RTN3: variants seen among roughly 807,000 people sequenced by gnomAD.
RTN3 encodes the protein reticulon 3, also known as reticulon-3.
In RTN3, 49 loss-of-function variants were observed where a neutral mutation model predicts 77.8. The observed-to-expected ratio is 0.63, with a 90% CI of 0.50 to 0.80. The LOEUF is 0.80. RTN3 is among the 30% of genes least tolerant of loss of function. The probability of loss-of-function intolerance (pLI) is 0.00; values close to 1 mark genes in which losing one functional copy is unlikely to be tolerated. For missense variants in RTN3, 1,236 were observed against 1,211.9 expected (o/e 1.02, Z -0.29); for synonymous variants, 464 against 446.9 (o/e 1.04, Z -0.48).
chr11:63,686,534 A>T (rs1219245769), intron 1 of RTN3, among the ~76,000 whole-genome samples: 2 of 149,786 alleles, frequency 1.3e-5, no homozygotes, highest in Non-Finnish European at 3.0e-5. Context: ...TATTGTTGTT[A>T]TGAAAGTTGG....
chr11:63,753,189 A>C (rs756840117), intron 6 of RTN3, 51 bp downstream of exon 6: 1 of 1,545,042 alleles, frequency 6.5e-7, no homozygotes, highest in Non-Finnish European at 8.9e-7. Flanking sequence ...GTTTGTAAGA[A>C]TAAGAGTGAA....
In RTN3 at chr11:63,721,043, A is replaced by G. The variant is rs897045197; in HGVS notation, c.2530+11A>G. On this transcript the variant is annotated intron_variant, in intron 3 of 8. Transcript: ENST00000377819. ...TGACAGACTTCTCAGGTAACCATTT[A>G]TATTAGAATACTGCATGTGGTTAAT... 3 of 1,565,976 alleles carry G rather than the reference A, an allele frequency of 1.9e-6. No homozygotes were observed. The highest frequency in any genetic ancestry group is 2.6e-6 in the Non-Finnish European group (3 of 1,156,016).
rs942616872 is a variant in RTN3, at chr11:63,712,256, C to G, written c.200-6446C>G. Among the ~76,000 whole-genome samples the G allele has an allele frequency of 2.0e-5, 3 of 152,106 alleles. No homozygotes were observed. The South Asian group carries it at 6.2e-4, about 31-fold the overall frequency. ...GCCTTTTCTCTCCCTAGTAAAAAGG[C>G]ATGTGGTCTGGAGTCTCTATGTCAA... On this transcript the variant is annotated intron_variant, in intron 2 of 8. Transcript: ENST00000377819.
chr11:63,686,135 T>C (rs1941356642), intron 1 of RTN3, among the ~76,000 whole-genome samples: 1 of 152,218 alleles, frequency 6.6e-6, no homozygotes, highest in African/African-American at 2.4e-5. Context: ...TCATCTGAAC[T>C]TTAAAAGTAC....
At chr11:63,752,257 G>T (rs2014146112) in intron 4 of RTN3, among the ~76,000 whole-genome samples, 2 of 151,662 alleles carry the variant, frequency 1.3e-5, no homozygotes, top group African/African-American at 4.8e-5. Flanking sequence ...CAATGAGGTA[G>T]TAAAAGTGAC....
chr11:63,710,277 C>T (rs950629512), intron 2 of RTN3, among the ~76,000 whole-genome samples: 7 of 152,082 alleles, frequency 4.6e-5, no homozygotes, highest in East Asian at 3.9e-4. Flanking sequence ...GCAATCTTCC[C>T]GCCTCAGCCT....
chr11:63,704,673 A>G (rs961022599), intron 1 of RTN3, among the ~76,000 whole-genome samples, 178 bp from the exon 2 acceptor site: 1 of 152,194 alleles, frequency 6.6e-6, no homozygotes, highest in Non-Finnish European at 1.5e-5. Flanking sequence ...TGAAAATAAA[A>G]TAAGGTTTTG....
chr11:63,735,095 C>A (rs371763719), intron 3 of RTN3, among the ~76,000 whole-genome samples: 1 of 152,152 alleles, frequency 6.6e-6, no homozygotes, highest in South Asian at 2.1e-4. Flanking sequence ...GGCGCAATCT[C>A]TGCTCATTGT....
intron 2 of RTN3, chr11:63,714,275 G>A: frequency 2.9e-6 from 1 of 344,522 alleles, no homozygotes; most frequent in Non-Finnish European, 5.7e-6. Context: ...TTCTACATGT[G>A]GGAAAGCTTG....
rs138884818 is a variant in RTN3, at chr11:63,722,354, T to C, written c.2530+1322T>C. Among the ~76,000 whole-genome samples, 1,227 of 152,346 alleles carry C rather than the reference T, an allele frequency of 8.1e-3. 16 individuals carry two copies. The highest frequency in any genetic ancestry group is 0.027 in the African/African-American group (1,131 of 41,588). On this transcript the variant is annotated intron_variant, in intron 3 of 8. Coordinates refer to ENST00000377819, the MANE Select transcript of RTN3 (RefSeq NM_001265589.2). ...TTTGTGCCTTTTTATAAAGGCATTT[T>C]CTTACTGGAAACTGTAGGTAGATTT...
At chr11:63,744,235 T>C (rs2013661130) in intron 3 of RTN3, among the ~76,000 whole-genome samples, 1 of 63,916 alleles carries the variant, frequency 1.6e-5, no homozygotes, top group Non-Finnish European at 2.7e-5. Context: ...AGCAAGACTC[T>C]GTCTCAAAAA....
At chr11:63,700,949 G>C (rs769513917) in intron 1 of RTN3, among the ~76,000 whole-genome samples, 8 of 151,786 alleles carry the variant, frequency 5.3e-5, no homozygotes, top group Non-Finnish European at 1.0e-4. Flanking sequence ...AATTAGCCAG[G>C]TGTGGTGGTG....
chr11:63,733,002 A>C (rs2012802128), intron 3 of RTN3, among the ~76,000 whole-genome samples: 2 of 152,174 alleles, frequency 1.3e-5, no homozygotes, highest in Admixed American at 1.3e-4. Context: ...GATATACAGG[A>C]TACAAGGTTG....
chr11:63,706,234 G>A (rs1475419520), intron 2 of RTN3, among the ~76,000 whole-genome samples: 1 of 152,004 alleles, frequency 6.6e-6, no homozygotes, highest in Admixed American at 6.6e-5. Context: ...CTGGCTGAAG[G>A]GCAATGGCAC....
intron 3 of RTN3, among the ~76,000 whole-genome samples, chr11:63,722,594 G>A (rs934231337): frequency 6.6e-6 from 1 of 152,174 alleles, no homozygotes; most frequent in Non-Finnish European, 1.5e-5. Flanking sequence ...ACAATTATCA[G>A]TGAAAGACAT....
intron 1 of RTN3, among the ~76,000 whole-genome samples, chr11:63,691,986 C>A (rs891594010): frequency 6.6e-6 from 1 of 152,102 alleles, no homozygotes; most frequent in African/African-American, 2.4e-5. Context: ...TTAATAAATA[C>A]CCTGTAATAT....
chr11:63,736,380 G>GA (rs1279253264), intron 3 of RTN3, among the ~76,000 whole-genome samples: 4 of 152,118 alleles, frequency 2.6e-5, no homozygotes, highest in East Asian at 1.9e-4. Context: ...AAATACAAAA[G>GA]AAAAAACAAT....
intron 2 of RTN3, among the ~76,000 whole-genome samples, chr11:63,705,258 C>T (rs367770635): frequency 1.3e-5 from 2 of 151,572 alleles, no homozygotes; most frequent in East Asian, 3.9e-4. Flanking sequence ...GAGGCAAAGG[C>T]GGGCAGATCA....
At chr11:63,750,996 T>G (rs2135050065) in intron 4 of RTN3, among the ~76,000 whole-genome samples, 1 of 151,408 alleles carries the variant, frequency 6.6e-6, no homozygotes, top group South Asian at 2.1e-4. Context: ...CCTCCCAAAG[T>G]GCTGGGATTA....
Sources: allele counts gnomAD v4.1 joint callset (sites outside exome capture counted in the v4.1 genomes callset), GRCh38; gene constraint gnomAD v4.1.1; transcripts MANE v1.5; gene names NCBI Gene and HGNC (gene_info 2026-07-23, HGNC 2026-07-21).